The following MAGI2 variants were observed in gnomAD, a reference collection of about 807,000 sequenced individuals.
MAGI2 encodes the protein membrane-associated guanylate kinase, WW and PDZ domain-containing protein 2.
A neutral mutation model predicts 133.3 loss-of-function variants in MAGI2; 35 were observed. The ratio of observed to expected loss-of-function variants is 0.26; its 90% CI spans 0.20 to 0.35. MAGI2 has a LOEUF of 0.35. Among genes scored for constraint, MAGI2 ranks in the 10% least tolerant of loss-of-function variants. The pLI is 1.00. For synonymous variants in MAGI2, 729 were observed against 710.6 expected (o/e 1.03, Z -0.41); for missense variants, 1,636 against 1,863.4 (o/e 0.88, Z 2.25).
chr7:78,484,999 G>T (rs2110628), intron 6 of MAGI2: 80,727 of 151,692 alleles, frequency 0.53, 23,227 homozygotes, highest in East Asian at 0.82. Flanking sequence ...ACATTTCAAC[G>T]TTAAGAAAAG....
intron 9 of MAGI2, among the ~76,000 whole-genome samples, chr7:78,316,308 T>C (rs1365387660): frequency 6.6e-6 from 1 of 152,240 alleles, no homozygotes; most frequent in East Asian, 1.9e-4. Flanking sequence ...ATTCATTATT[T>C]ACACTGCATT....
chr7:78,207,515 G>A (rs938395348), intron 10 of MAGI2, among the ~76,000 whole-genome samples: 2 of 152,122 alleles, frequency 1.3e-5, no homozygotes, highest in African/African-American at 4.8e-5. Context: ...TTAGCCTTTG[G>A]TAAATGTAAG....
intron 2 of MAGI2, among the ~76,000 whole-genome samples, chr7:78,695,105 G>T (rs1043037761): frequency 3.9e-5 from 6 of 152,052 alleles, no homozygotes; most frequent in Non-Finnish European, 5.9e-5. Context: ...GGTGCCTGTA[G>T]TCCCAGCTAC....
At chr7:78,598,723 C>T (rs1394444919) in intron 3 of MAGI2, among the ~76,000 whole-genome samples, 1 of 152,066 alleles carries the variant, frequency 6.6e-6, no homozygotes, top group Non-Finnish European at 1.5e-5. Context: ...TGGGAGGTGA[C>T]ACTGGAAACC....
chr7:79,026,933 A>G (rs1240678351), intron 1 of MAGI2, among the ~76,000 whole-genome samples: 3 of 150,942 alleles, frequency 2.0e-5, no homozygotes, highest in Admixed American at 6.6e-5. Flanking sequence ...AAGAAGACAT[A>G]CAAATGACCA....
chr7:78,271,061 G>C (rs1484269438), intron 9 of MAGI2, among the ~76,000 whole-genome samples: 1 of 152,110 alleles, frequency 6.6e-6, no homozygotes, highest in African/African-American at 2.4e-5. Flanking sequence ...AGGGGGGAAT[G>C]CTTACAGTTT....
At chr7:79,137,535 C>T (rs148923423) in intron 1 of MAGI2, among the ~76,000 whole-genome samples, 4 of 150,650 alleles carry the variant, frequency 2.7e-5, no homozygotes, top group African/African-American at 9.7e-5. Flanking sequence ...TCACTGCAAC[C>T]TCCATCTCCC....
chr7:79,374,474 C>T (rs11766958), intron 1 of MAGI2, among the ~76,000 whole-genome samples: 1 of 151,926 alleles, frequency 6.6e-6, no homozygotes, highest in Non-Finnish European at 1.5e-5. Context: ...GGGAGCATGG[C>T]CCCGCCAACA....
chr7:79,257,838 G>T (rs373881094), intron 1 of MAGI2, among the ~76,000 whole-genome samples: 26 of 152,098 alleles, frequency 1.7e-4, no homozygotes, highest in African/African-American at 6.3e-4. Context: ...CACAGTTATT[G>T]ATGTATTTAT....
rs371937308 is a variant in MAGI2 at position 78,418,196 on chromosome 7, C to A, written c.1046-48983G>T. Among the ~76,000 whole-genome samples, 6 of 152,220 alleles carry A rather than the reference C, an allele frequency of 3.9e-5. No homozygotes were observed. The East Asian group carries it at 1.2e-3, about 29-fold the overall frequency. On this transcript the variant is annotated intron_variant, in intron 6 of 21. Transcript: ENST00000354212. ...ATGGCAACAGAAAAGCAGAACATAACTGGATATTCGTGAAACAAATATTCA... is the reference window on the plus strand; with the variant it reads ...ATGGCAACAGAAAAGCAGAACATAAATGGATATTCGTGAAACAAATATTCA...
chr7:79,332,406 C>T (rs1296395156), intron 1 of MAGI2, among the ~76,000 whole-genome samples: 1 of 152,172 alleles, frequency 6.6e-6, no homozygotes, highest in East Asian at 1.9e-4. Context: ...TAGGCAGATA[C>T]TGTGTTCTGC....
chr7:78,810,560 ACT>A (rs1788960172), intron 2 of MAGI2, among the ~76,000 whole-genome samples: 1 of 152,088 alleles, frequency 6.6e-6, no homozygotes, highest in Admixed American at 6.6e-5. Flanking sequence ...TGATAGCTGA[ACT>A]CTTTTTTGTT....
rs568323324 is a variant in MAGI2, at chr7:79,143,021, C to G, written c.302-135815G>C. 3.9e-5 allele frequency among the ~76,000 whole-genome samples: 6 copies of G among 152,176 alleles called. No individual in the cohort carries two copies. In the South Asian group the frequency reaches 1.2e-3, roughly 32 times the overall value. ...AACGCCATGTCTTCTTTTATAAAAG[C>G]CTTTTGCAGTTTTGTTCTGATAAAT... On this transcript the variant is annotated intron_variant, in intron 1 of 21. Transcript: ENST00000354212.
At chr7:78,655,622 T>G (rs184453014) in intron 2 of MAGI2, among the ~76,000 whole-genome samples, 1 of 152,090 alleles carries the variant, frequency 6.6e-6, no homozygotes, top group African/African-American at 2.4e-5. Context: ...CAGACTCCAA[T>G]ATGTATAGCA....
chr7:78,231,986 AC>A (rs1790024472), intron 10 of MAGI2, among the ~76,000 whole-genome samples: 1 of 151,800 alleles, frequency 6.6e-6, no homozygotes, highest in African/African-American at 2.4e-5. Context: ...TTACAAACCC[AC>A]CCCTGGTGTT....
intron 1 of MAGI2, among the ~76,000 whole-genome samples, chr7:79,140,427 A>G (rs554596895): frequency 6.6e-6 from 1 of 152,292 alleles, no homozygotes; most frequent in East Asian, 1.9e-4. Flanking sequence ...GGCCTCAGAA[A>G]TGTTGTTTCT....
chr7:79,365,616 G>A (rs1219640767), intron 1 of MAGI2, among the ~76,000 whole-genome samples: 2 of 151,974 alleles, frequency 1.3e-5, no homozygotes, highest in East Asian at 3.9e-4. Context: ...CTAGCACTTT[G>A]GGGGGCCGAG....
At chr7:78,504,172 A>C (rs1236540102) in intron 4 of MAGI2, among the ~76,000 whole-genome samples, 1 of 152,198 alleles carries the variant, frequency 6.6e-6, no homozygotes, top group Non-Finnish European at 1.5e-5. Flanking sequence ...AAAAGGTAGG[A>C]AAATAGAGAC....
At chr7:79,102,471 G>T (rs1254576426) in intron 1 of MAGI2, among the ~76,000 whole-genome samples, 3 of 151,966 alleles carry the variant, frequency 2.0e-5, no homozygotes, top group South Asian at 2.1e-4. Context: ...ATAACACTTT[G>T]CCTGCCTTTA....
Sources: allele counts gnomAD v4.1 joint callset (sites outside exome capture counted in the v4.1 genomes callset), GRCh38; gene constraint gnomAD v4.1.1; transcripts MANE v1.5; gene names NCBI Gene and HGNC (gene_info 2026-07-23, HGNC 2026-07-21).